TTC7A: variants seen among roughly 807,000 people sequenced by gnomAD.
TTC7A encodes the protein tetratricopeptide repeat protein 7A.
Under a neutral mutation model 103.7 loss-of-function variants are expected in TTC7A, and 110 were observed. That is an observed-to-expected ratio of 1.06 (90% CI 0.91 to 1.24). TTC7A has a LOEUF of 1.24. TTC7A is among the 50% of genes most tolerant of loss of function. TTC7A has a pLI of 0.00. For missense variants in TTC7A, 1,340 were observed against 1,116.3 expected (o/e 1.20, Z -2.86); for synonymous variants, 521 against 467.9 (o/e 1.11, Z -1.47).
chr2:47,010,158 A>C (rs1030139543), intron 10 of TTC7A, among the ~76,000 whole-genome samples: 42 of 152,266 alleles, frequency 2.8e-4, no homozygotes, highest in Admixed American at 2.6e-3. Context: ...TGGTATTTAA[A>C]ATGCACTTAG....
At chr2:46,930,562 C>T (rs538467335) in intron 2 of TTC7A, among the ~76,000 whole-genome samples, 53 of 149,390 alleles carry the variant, frequency 3.5e-4, no homozygotes, top group African/African-American at 1.2e-3. Context: ...TGCAGTGGCG[C>T]GATCTTGGCT....
chr2:46,999,421 C>G (rs1287583498), intron 8 of TTC7A: 4 of 922,726 alleles, frequency 4.3e-6, no homozygotes, highest in Non-Finnish European at 5.2e-6. Flanking sequence ...AACCCTGCAT[C>G]TACCTACCCA....
Position 47,060,906 on chromosome 2 carries a change from G to T in TTC7A, c.2290G>T (p.Ala764Ser). The change falls in exon 19 of 20, where the codon GCC (alanine) becomes TCC (serine). Residue 764 changes from alanine (A) to serine (S), a missense_variant. Ala to Ser is a moderately conservative substitution (Grantham distance 99). Coordinates refer to ENST00000319190, the MANE Select transcript of TTC7A (RefSeq NM_020458.4). Reference sequence around the variant, plus strand: ...TGAGGTGAAGGGCAACCTGGAGGAGGCCAAGCAGCTGTACAAGGAGGCGCT... The same window carrying T: ...TGAGGTGAAGGGCAACCTGGAGGAGTCCAAGCAGCTGTACAAGGAGGCGCT... Reference protein sequence around the residue: ...LAEVKGNLEEAKQLYKEALTV... With the variant: ...LAEVKGNLEESKQLYKEALTV... 2 of 1,614,170 alleles carry T rather than the reference G, an allele frequency of 1.2e-6. No homozygotes were observed. The highest frequency in any genetic ancestry group is 1.7e-6 in the Non-Finnish European group (2 of 1,180,022).
At chr2:47,071,727 C>T (rs1357005852) in intron 19 of TTC7A, among the ~76,000 whole-genome samples, 2 of 152,150 alleles carry the variant, frequency 1.3e-5, no homozygotes, top group African/African-American at 2.4e-5. Flanking sequence ...TGCAAACCTC[C>T]GAAACTGAGA....
intron 2 of TTC7A, among the ~76,000 whole-genome samples, chr2:46,928,111 C>G (rs2117167): frequency 6.6e-6 from 1 of 151,498 alleles, no homozygotes; most frequent in Non-Finnish European, 1.5e-5. Flanking sequence ...AGGCTGGTCT[C>G]TAACTCCTCG....
intron 5 of TTC7A, among the ~76,000 whole-genome samples, chr2:46,987,885 G>T (rs749220525): frequency 6.6e-5 from 10 of 151,776 alleles, no homozygotes; most frequent in Non-Finnish European, 1.2e-4. Flanking sequence ...AGTTGGAGAG[G>T]CAGCAAAGGC....
At chr2:47,006,925 C>T (rs906729826) in intron 10 of TTC7A, among the ~76,000 whole-genome samples, 5 of 152,058 alleles carry the variant, frequency 3.3e-5, no homozygotes, top group Admixed American at 2.0e-4. Flanking sequence ...GTGAGTGTGC[C>T]GGTGTGCTGG....
intron 1 of TTC7A, among the ~76,000 whole-genome samples, chr2:46,943,898 C>A (rs1225556974): frequency 6.6e-6 from 1 of 152,142 alleles, no homozygotes; most frequent in South Asian, 2.1e-4. Flanking sequence ...TGAAAAGTAC[C>A]TCCTACCCAG....
intron 18 of TTC7A, among the ~76,000 whole-genome samples, chr2:47,056,610 C>T (rs1396627291): frequency 6.6e-6 from 1 of 152,220 alleles, no homozygotes; most frequent in Non-Finnish European, 1.5e-5. Flanking sequence ...GCTCTGGGTG[C>T]AGGGTTAGAC....
chr2:46,984,014 A>G (rs1425816157), intron 5 of TTC7A, among the ~76,000 whole-genome samples: 1 of 152,216 alleles, frequency 6.6e-6, no homozygotes, highest in Non-Finnish European at 1.5e-5. Flanking sequence ...AATGCATGCC[A>G]CTTAGGAAGG....
Position 46,978,805 on chromosome 2 carries a change from G to C in TTC7A, c.662G>C (p.Ser221Thr). Residue 221 changes from serine to threonine, a missense_variant, in exon 5 of 20, where the codon AGC becomes ACC. Physicochemically the swap from Ser to Thr is moderately conservative, Grantham distance 58. Coordinates refer to ENST00000319190, the MANE Select transcript of TTC7A (RefSeq NM_020458.4). ...TTCCCTTCCCAGACCACAAATAACA[G>C]CACGTCGAGGCATCTGAAAGGCTGT... is the stretch of plus-strand genomic sequence containing the variant. ...LQELEKTTNN[S>T]TSRHLKGCHP... 1 of 1,613,788 alleles carries C rather than the reference G, an allele frequency of 6.2e-7. No homozygotes were observed. Among genetic ancestry groups the C allele is most frequent in the Non-Finnish European group, 8.5e-7 (1 of 1,179,846 alleles).
intron 18 of TTC7A, among the ~76,000 whole-genome samples, chr2:47,052,453 A>C (rs1270929729): frequency 6.6e-6 from 1 of 152,192 alleles, no homozygotes; most frequent in Non-Finnish European, 1.5e-5. Flanking sequence ...AATGTGTGAC[A>C]CAGTCAGGGT....
At chr2:47,018,807 A>G (rs7607573) in intron 11 of TTC7A, among the ~76,000 whole-genome samples, 85,613 of 151,808 alleles carry the variant, frequency 0.56, 24,447 homozygotes, top group East Asian at 0.77. Flanking sequence ...GAGAGACACT[A>G]TTGTTATCCC....
Position 47,011,317 on chromosome 2 carries a change from C to G in TTC7A, c.1288-14C>G. On this transcript the variant is annotated splice_polypyrimidine_tract_variant and intron_variant, in intron 10 of 19. Transcript: ENST00000319190. ...ACTGTGAGTGACAGTGTTTCCTGCT[C>G]TTTTTTTCTGCAGTCAGCCTACGCT... 3.7e-6 allele frequency: 6 copies of G among 1,611,612 alleles called. No individual in the cohort carries two copies. The highest frequency in any genetic ancestry group is 5.1e-6 in the Non-Finnish European group (6 of 1,178,598).
intron 4 of TTC7A, 74 bp downstream of exon 4, chr2:46,975,177 A>C: frequency 5.7e-6 from 9 of 1,577,254 alleles, no homozygotes; most frequent in African/African-American, 2.7e-5. Flanking sequence ...CACTAAACCC[A>C]TAGGTCACCT....
intron 2 of TTC7A, among the ~76,000 whole-genome samples, chr2:46,923,024 A>T (rs1417883857): frequency 6.6e-6 from 1 of 152,238 alleles, no homozygotes; most frequent in Non-Finnish European, 1.5e-5. Context: ...AAACAGCCAG[A>T]TGAAGAGATA....
intron 14 of TTC7A, among the ~76,000 whole-genome samples, chr2:47,027,106 C>T (rs752141789): frequency 2.0e-5 from 3 of 152,250 alleles, no homozygotes; most frequent in African/African-American, 7.2e-5. Flanking sequence ...CCAACCCTCT[C>T]TTTCCAGACC....
chr2:46,980,069 G>C (rs974806590), intron 5 of TTC7A, among the ~76,000 whole-genome samples: 1 of 152,204 alleles, frequency 6.6e-6, no homozygotes, highest in African/African-American at 2.4e-5. Flanking sequence ...TGAGGCCTGT[G>C]TGCCATTTTT....
intron 15 of TTC7A, among the ~76,000 whole-genome samples, chr2:47,033,862 C>T (rs1680823530): frequency 6.6e-6 from 1 of 152,148 alleles, no homozygotes; most frequent in Non-Finnish European, 1.5e-5. Flanking sequence ...GTGCTGGCAG[C>T]CGAGGCTGGG....
Sources: allele counts gnomAD v4.1 joint callset (sites outside exome capture counted in the v4.1 genomes callset), GRCh38; gene constraint gnomAD v4.1.1; transcripts MANE v1.5; gene names NCBI Gene and HGNC (gene_info 2026-07-23, HGNC 2026-07-21).